Variants in CYREN observed in about 807,000 individuals in gnomAD.
The protein encoded by CYREN is cell cycle regulator of non-homologous end joining.
A neutral mutation model predicts 9.7 loss-of-function variants in CYREN; 7 were observed. The observed-to-expected ratio is 0.72, with a 90% CI of 0.41 to 1.36. The LOEUF (loss-of-function observed/expected upper bound fraction) is 1.36, where lower values mean the gene tolerates loss of function less well. Among genes scored for constraint, CYREN ranks in the 40% most tolerant of loss-of-function variants. The pLI, the probability that CYREN is intolerant of heterozygous loss-of-function variation, is 0.01. For missense variants in CYREN, 215 were observed against 198.1 expected, an observed-to-expected ratio of 1.09 and a Z score of -0.51; for synonymous variants, 76 against 77.9, an observed-to-expected ratio of 0.98 and a Z score of 0.13.
intron 2 of CYREN, among the ~76,000 whole-genome samples, chr7:135,118,151 C>A (rs1826591968): frequency 6.6e-6 from 1 of 152,068 alleles, no homozygotes; most frequent in African/African-American, 2.4e-5. Flanking sequence ...CTTCCCCTAC[C>A]CTACCTTATG....
intron 2 of CYREN, among the ~76,000 whole-genome samples, chr7:135,096,586 T>TAGATAGAG (rs1822819999): frequency 1.5e-5 from 1 of 66,130 alleles, no homozygotes. Flanking sequence ...GATAGATACA[T>TAGATAGAG]AGATAGATAG....
At chr7:135,132,876 G>A (rs770825869) in intron 2 of CYREN, among the ~76,000 whole-genome samples, 25 of 152,002 alleles carry the variant, frequency 1.6e-4, no homozygotes, top group South Asian at 4.1e-4. Flanking sequence ...TATTAGCAGC[G>A]TGAGAATAGA....
chr7:135,145,480 G>A lies in CYREN; in HGVS notation n.356+23269C>T, dbSNP rs894105680. 3.3e-5 allele frequency among the ~76,000 whole-genome samples: 5 copies of A among 152,316 alleles called. No individual in the cohort carries two copies. In the South Asian group the frequency reaches 8.3e-4, roughly 25 times the overall value. On this transcript the variant is annotated intron_variant and non_coding_transcript_variant, in intron 2 of 2. Transcript: ENST00000459937. ...TGAGAAGCCAGGACAACAGCTGTGT[G>A]TGGTGTCAAGCCCCAGACTGGGGCA...
chr7:135,123,482 CAGG>C (rs1827431025), intron 2 of CYREN, among the ~76,000 whole-genome samples: 2 of 152,150 alleles, frequency 1.3e-5, no homozygotes, highest in South Asian at 4.2e-4. Flanking sequence ...TGATATTATC[CAGG>C]AGAACTTCTC....
At chr7:135,159,066 C>G (rs190446151) in intron 2 of CYREN, among the ~76,000 whole-genome samples, 13 of 152,346 alleles carry the variant, frequency 8.5e-5, no homozygotes, top group African/African-American at 2.9e-4. Context: ...AGGGGGTTCT[C>G]TCTTACTGTT....
intron 2 of CYREN, among the ~76,000 whole-genome samples, chr7:135,125,435 C>T (rs1362633051): frequency 2.6e-5 from 4 of 152,022 alleles, no homozygotes; most frequent in African/African-American, 7.2e-5. Context: ...CAGAACCAGA[C>T]GGATTCACGG....
At chr7:135,106,633 T>A (rs1054152971) in intron 2 of CYREN, among the ~76,000 whole-genome samples, 1 of 152,204 alleles carries the variant, frequency 6.6e-6, no homozygotes, top group Non-Finnish European at 1.5e-5. Flanking sequence ...TGTTGAGGAT[T>A]TTTGCATCAA....
At chr7:135,157,570 A>G (rs530545221) in intron 2 of CYREN, among the ~76,000 whole-genome samples, 1 of 152,302 alleles carries the variant, frequency 6.6e-6, no homozygotes, top group Admixed American at 6.5e-5. Flanking sequence ...CTTAGAAGCT[A>G]GTAGTGGGAG....
chr7:135,159,228 C>T (rs1829868640), intron 2 of CYREN, among the ~76,000 whole-genome samples: 1 of 152,218 alleles, frequency 6.6e-6, no homozygotes, highest in Non-Finnish European at 1.5e-5. Flanking sequence ...GATCCACTTA[C>T]TATTCTGGTT....
At chr7:135,170,975 C>A (rs1375913053), upstream of CYREN, among the ~76,000 whole-genome samples, 4 of 152,222 alleles carry the variant, frequency 2.6e-5, no homozygotes, top group Non-Finnish European at 4.4e-5. Flanking sequence ...CAATTCTTGG[C>A]CCCTGAAGTT....
At chr7:135,169,664 CTT>C (rs1830504714) in intron 1 of CYREN, 1 of 152,306 alleles carries the variant, frequency 6.6e-6, no homozygotes, top group Non-Finnish European at 1.5e-5. Flanking sequence ...TTTGGCCTCT[CTT>C]TTCCCTATCC....
chr7:135,167,571 G>A, intron 3 of CYREN, 161 bp downstream of exon 3: 5 of 985,464 alleles, frequency 5.1e-6, no homozygotes, highest in Non-Finnish European at 6.0e-6. Context: ...CACATGGGGA[G>A]AGGCCTGGGC....
intron 2 of CYREN, 167 bp downstream of exon 2, chr7:135,168,619 G>C (rs1830415130): frequency 1.8e-6 from 2 of 1,084,052 alleles, no homozygotes; most frequent in East Asian, 5.1e-5. Context: ...AACCCGCTTT[G>C]CCTCCCGCCC....
chr7:135,142,585 TAAC>T (rs2117399635), intron 2 of CYREN, among the ~76,000 whole-genome samples: 1 of 152,098 alleles, frequency 6.6e-6, no homozygotes, highest in East Asian at 1.9e-4. Flanking sequence ...AGGAAATCAA[TAAC>T]AACAACAAAA....
Position 135,168,988 on chromosome 7 carries a change from G to A in CYREN, c.-66C>T. 1.5e-5 allele frequency: 21 copies of A among 1,444,048 alleles called. No individual in the cohort carries two copies. The highest frequency in any genetic ancestry group is 1.9e-5 in the Non-Finnish European group (21 of 1,079,246). The allele number at this position is 1,444,048 out of a possible 1,614,324, so 89.5% of individuals were successfully genotyped here. On this transcript the variant is annotated 5_prime_UTR_variant, in exon 2 of 4. Coordinates refer to ENST00000393114, the MANE Select transcript of CYREN (RefSeq NM_024033.4). ...AATGACCTGTTTTTTAATTCAGGAA[G>A]GTAAATCTCGTTCTCTCGTCACACC...
At chr7:135,094,970 A>G (rs1306761738) in intron 2 of CYREN, among the ~76,000 whole-genome samples, 2 of 152,234 alleles carry the variant, frequency 1.3e-5, no homozygotes, top group Non-Finnish European at 2.9e-5. Flanking sequence ...AGATGTTTGC[A>G]AAGGAACTTG....
chr7:135,095,005 T>C (rs1822448176), intron 2 of CYREN, among the ~76,000 whole-genome samples: 1 of 152,304 alleles, frequency 6.6e-6, no homozygotes, highest in African/African-American at 2.4e-5. Flanking sequence ...CTTGTTGGTC[T>C]CACAGTTCAT....
Position 135,151,808 on chromosome 7 carries a change from G to A in CYREN, n.356+16941C>T, listed in dbSNP as rs936488658. 1.3e-5 allele frequency among the ~76,000 whole-genome samples: 2 copies of A among 152,168 alleles called. No homozygotes were observed. The highest frequency in any genetic ancestry group is 2.4e-5 in the African/African-American group (1 of 41,424). On this transcript the variant is annotated intron_variant and non_coding_transcript_variant, in intron 2 of 2. Transcript: ENST00000459937. The surrounding 1 kb of genome is among the most constrained non-coding windows in gnomAD (Gnocchi z 4.3). ...TATGACTAGTGAGTGACAGAACGACGACATGCTCCCAGGTCATCTGGCTCT... is the reference window on the plus strand; with the variant it reads ...TATGACTAGTGAGTGACAGAACGACAACATGCTCCCAGGTCATCTGGCTCT...
intron 2 of CYREN, among the ~76,000 whole-genome samples, chr7:135,097,427 G>T (rs1823069848): frequency 6.6e-6 from 1 of 152,034 alleles, no homozygotes; most frequent in South Asian, 2.1e-4. Context: ...TGAAACCAAA[G>T]AAAACATAAA....
Sources: allele counts gnomAD v4.1 joint callset (sites outside exome capture counted in the v4.1 genomes callset), GRCh38; gene constraint gnomAD v4.1.1; non-coding constraint Gnocchi (gnomAD v3.1); transcripts MANE v1.5; gene names NCBI Gene and HGNC (gene_info 2026-07-23, HGNC 2026-07-21).